The following LSAMP variants were observed in gnomAD, a reference collection of about 807,000 sequenced individuals.
LSAMP encodes the protein limbic system associated membrane protein.
In LSAMP, 7 loss-of-function variants were observed where a neutral mutation model predicts 38.6. That is an observed-to-expected ratio of 0.18 (90% CI 0.10 to 0.34). LSAMP has a LOEUF of 0.34. Ranked by LOEUF, LSAMP falls within the 10% of genes least tolerant of loss-of-function variation. The pLI is 1.00. For missense variants in LSAMP, 313 were observed against 420.0 expected (o/e 0.75, Z 2.23); for synonymous variants, 154 against 166.8 (o/e 0.92, Z 0.59).
intron 1 of LSAMP, among the ~76,000 whole-genome samples, chr3:116,317,481 G>T (rs758526223): frequency 6.6e-6 from 1 of 150,844 alleles, no homozygotes; most frequent in Non-Finnish European, 1.5e-5. Flanking sequence ...TCAGCCTCCC[G>T]AGTAGCTGGG....
At chr3:115,932,905 A>T (rs1937603863) in intron 3 of LSAMP, among the ~76,000 whole-genome samples, 2 of 152,224 alleles carry the variant, frequency 1.3e-5, no homozygotes, top group South Asian at 4.1e-4. Context: ...TGTCAGAAAC[A>T]TCTCTTCCTG....
chr3:116,159,413 A>G (rs1413073514), intron 1 of LSAMP, among the ~76,000 whole-genome samples: 1 of 152,126 alleles, frequency 6.6e-6, no homozygotes, highest in Admixed American at 6.6e-5. Context: ...TGAAAAGCAA[A>G]AACCAACCCC....
In LSAMP at chr3:115,810,005, C is replaced by A; in HGVS notation, c.*312G>T. ...TCTGGTTCTTCTCTTATTTTTACAGCATCCAGATGTCCTTAGTGTGGTGTA... is the reference window on the plus strand; with the variant it reads ...TCTGGTTCTTCTCTTATTTTTACAGAATCCAGATGTCCTTAGTGTGGTGTA... On this transcript the variant is annotated 3_prime_UTR_variant, in exon 7 of 7. Transcript: ENST00000490035. The A allele has an allele frequency of 4.7e-6, 1 of 214,746 alleles. No homozygotes were observed. Among genetic ancestry groups the A allele is most frequent in the Non-Finnish European group, 9.1e-6 (1 of 110,162 alleles). The allele number at this position is 214,746 out of a possible 1,614,324, so 13.3% of individuals were successfully genotyped here.
intron 3 of LSAMP, among the ~76,000 whole-genome samples, chr3:115,905,725 A>G (rs1576205074): frequency 6.6e-6 from 1 of 152,158 alleles, no homozygotes; most frequent in Non-Finnish European, 1.5e-5. Flanking sequence ...TAAGGCCGAT[A>G]AAAGATGCTA....
intron 3 of LSAMP, among the ~76,000 whole-genome samples, chr3:115,934,016 A>G (rs879832800): frequency 1.3e-5 from 2 of 152,212 alleles, no homozygotes; most frequent in East Asian, 1.9e-4. Context: ...TAGCACTGAT[A>G]AAGAAAAGTT....
At chr3:115,851,403 T>C (rs1487107975) in intron 4 of LSAMP, among the ~76,000 whole-genome samples, 1 of 152,220 alleles carries the variant, frequency 6.6e-6, no homozygotes, top group Non-Finnish European at 1.5e-5. Flanking sequence ...TTACATTTAC[T>C]TTCTGTGTCA....
chr3:115,882,005 A>G (rs2107433899), intron 3 of LSAMP, among the ~76,000 whole-genome samples: 1 of 152,236 alleles, frequency 6.6e-6, no homozygotes, highest in African/African-American at 2.4e-5. Flanking sequence ...CCAAGTGATT[A>G]ATGATAGACT....
intron 2 of LSAMP, among the ~76,000 whole-genome samples, chr3:116,023,100 G>T (rs1940682809): frequency 1.3e-5 from 2 of 151,882 alleles, no homozygotes; most frequent in Non-Finnish European, 2.9e-5. Context: ...CATGTATGGA[G>T]GATCAATTTT....
At chr3:116,145,437 G>A (rs1286388354) in intron 1 of LSAMP, among the ~76,000 whole-genome samples, 2 of 151,902 alleles carry the variant, frequency 1.3e-5, no homozygotes, top group Non-Finnish European at 2.9e-5. Flanking sequence ...AATTCCAGCA[G>A]GCATTAATGC....
intron 3 of LSAMP, among the ~76,000 whole-genome samples, chr3:115,946,989 G>A (rs1232331746): frequency 6.9e-6 from 1 of 144,738 alleles, no homozygotes; most frequent in Non-Finnish European, 1.5e-5. Context: ...ATAAAAAGTT[G>A]CATTAGCATT....
chr3:116,328,924 G>C (rs1221640002), intron 1 of LSAMP, among the ~76,000 whole-genome samples: 11 of 152,014 alleles, frequency 7.2e-5, no homozygotes, highest in Non-Finnish European at 1.5e-4. Flanking sequence ...GATGTATGTG[G>C]AAATAAAAGC....
rs910639962 is a variant in LSAMP at position 116,224,012 on chromosome 3, TA to T, written c.156-137457del. Among the ~76,000 whole-genome samples the T allele has an allele frequency of 7.8e-3, 1,140 of 146,904 alleles. 11 individuals are homozygous for T. Among genetic ancestry groups the T allele is most frequent in the African/African-American group, 0.027 (1,078 of 40,324 alleles). On this transcript the variant is annotated intron_variant, in intron 1 of 6. Transcript: ENST00000490035. ...TCAGTCTCTTTCTAATGAACTTTCT[TA>T]AAAAAAAAAACTTTCCTGAAATTCC...
chr3:116,173,195 A>G (rs890400453), intron 1 of LSAMP, among the ~76,000 whole-genome samples: 3 of 152,068 alleles, frequency 2.0e-5, no homozygotes, highest in Non-Finnish European at 4.4e-5. Context: ...CTGTCATTCA[A>G]TAAATGTTGG....
chr3:116,023,604 C>CAAA (rs71141849), intron 2 of LSAMP, among the ~76,000 whole-genome samples: 7 of 78,022 alleles, frequency 9.0e-5, no homozygotes, highest in Non-Finnish European at 1.7e-4. Context: ...GACTCCGTCT[C>CAAA]AAAAAAAAAA....
chr3:115,810,521 G>T, intron 6 of LSAMP, 107 bp from the exon 7 acceptor site: 1 of 758,116 alleles, frequency 1.3e-6, no homozygotes, highest in Non-Finnish European at 2.3e-6. Context: ...CCAGGTACTA[G>T]CATCTCAAAG....
At chr3:116,357,239 T>A (rs1487378178) in intron 1 of LSAMP, among the ~76,000 whole-genome samples, 2 of 152,200 alleles carry the variant, frequency 1.3e-5, no homozygotes, top group Non-Finnish European at 2.9e-5. Context: ...AAAACTATAA[T>A]TTTATAATGA....
intron 1 of LSAMP, among the ~76,000 whole-genome samples, chr3:116,344,273 T>C (rs2048035571): frequency 6.6e-6 from 1 of 151,972 alleles, no homozygotes; most frequent in Non-Finnish European, 1.5e-5. Flanking sequence ...TATATGAAGA[T>C]TAGATTGAAA....
At chr3:116,411,790 GAA>G (rs201174808) in intron 1 of LSAMP, among the ~76,000 whole-genome samples, 27,303 of 143,950 alleles carry the variant, frequency 0.19, 3,194 homozygotes, top group African/African-American at 0.34. Flanking sequence ...AATAAAAGAA[GAA>G]AAAAAAAAAG....
intron 3 of LSAMP, among the ~76,000 whole-genome samples, chr3:116,001,433 G>A (rs1411087129): frequency 6.6e-6 from 1 of 152,198 alleles, no homozygotes; most frequent in East Asian, 1.9e-4. Flanking sequence ...ATAACTGAGT[G>A]TCTGCCCATG....
Sources: gnomAD v4.1 joint callset for allele counts (sites outside exome capture counted in the v4.1 genomes callset) on GRCh38, gnomAD v4.1.1 for gene constraint, MANE v1.5 for transcripts, NCBI Gene and HGNC (gene_info 2026-07-23, HGNC 2026-07-21) for gene names.